ZNF678: variants seen among roughly 807,000 people sequenced by gnomAD.
ZNF678 encodes hypothetical protein MGC42493.
A neutral mutation model predicts 3.0 loss-of-function variants in ZNF678; 5 were observed. The ratio of observed to expected loss-of-function variants is 1.69; its 90% CI spans 0.88 to 3.56. ZNF678 has a LOEUF of 3.56. Among genes scored for constraint, ZNF678 ranks in the 30% most tolerant of loss-of-function variants. The pLI, the probability that ZNF678 is intolerant of heterozygous loss-of-function variation, is 0.00. For synonymous variants in ZNF678, 218 were observed against 199.6 expected (o/e 1.09, Z -0.78); for missense variants, 593 against 605.0 (o/e 0.98, Z 0.21).
intron 1 of ZNF678, among the ~76,000 whole-genome samples, chr1:227,631,019 T>C (rs951588286): frequency 1.3e-5 from 2 of 152,042 alleles, no homozygotes; most frequent in Non-Finnish European, 2.9e-5. Flanking sequence ...GAAGAGGATA[T>C]TGTGGTCAGG....
At chr1:227,625,917 T>C (rs1658401324) in intron 1 of ZNF678, among the ~76,000 whole-genome samples, 1 of 152,298 alleles carries the variant, frequency 6.6e-6, no homozygotes, top group Middle Eastern at 3.4e-3. Flanking sequence ...AATGAGTATT[T>C]GCATGCATGC....
chr1:227,617,692 C>G (rs1368490319), intron 1 of ZNF678, among the ~76,000 whole-genome samples: 2 of 152,100 alleles, frequency 1.3e-5, no homozygotes, highest in Non-Finnish European at 2.9e-5. Flanking sequence ...TGTGGTTTGC[C>G]TGGATGGTCA....
downstream of ZNF678, among the ~76,000 whole-genome samples, chr1:227,665,331 A>G (rs1020685128): frequency 6.6e-6 from 1 of 152,190 alleles, no homozygotes; most frequent in Admixed American, 6.5e-5. Context: ...TTTCCATTAT[A>G]TGTAAAATCA....
chr1:227,566,825 T>A (rs1211866168), intron 1 of ZNF678, among the ~76,000 whole-genome samples: 1 of 152,212 alleles, frequency 6.6e-6, no homozygotes, highest in East Asian at 1.9e-4. Context: ...TTTTTCTTCA[T>A]CAGAGTGAGT....
At chr1:227,649,490 A>G (rs1659041046) in intron 2 of ZNF678, among the ~76,000 whole-genome samples, 1 of 152,190 alleles carries the variant, frequency 6.6e-6, no homozygotes, top group Non-Finnish European at 1.5e-5. Context: ...AGCCAAGATT[A>G]CAGGCATGCA....
intron 1 of ZNF678, among the ~76,000 whole-genome samples, chr1:227,588,004 G>A (rs1470763506): frequency 6.6e-6 from 1 of 151,768 alleles, no homozygotes; most frequent in Non-Finnish European, 1.5e-5. Context: ...CCCAACAGGT[G>A]CCCAGTGTGT....
chr1:227,678,497 C>T (rs1659719589), downstream of ZNF678, among the ~76,000 whole-genome samples: 2 of 152,192 alleles, frequency 1.3e-5, no homozygotes, highest in Admixed American at 1.3e-4. Flanking sequence ...TGTGGGAGAA[C>T]TCTCAACTTC....
chr1:227,569,837 A>G (rs1656789108), intron 1 of ZNF678, among the ~76,000 whole-genome samples: 1 of 152,190 alleles, frequency 6.6e-6, no homozygotes, highest in African/African-American at 2.4e-5. Context: ...TAGAACCATT[A>G]GAATGGTCAT....
Position 227,655,459 on chromosome 1 carries a change from A to G in ZNF678, c.1209A>G (p.Lys403=). ...ATAGGAGAATTCATACTGGAGTGAA[A>G]CCCTACAAATGTGAAGAATGTGGGA... ...TQHRRIHTGV[K]PYKCEECGKV... The change falls in exon 4 of 4, where the codon AAA becomes AAG. Residue 403 remains lysine, a synonymous_variant. Coordinates refer to ENST00000343776, the MANE Select transcript of ZNF678 (RefSeq NM_001367909.1). 1 of 1,612,612 alleles carries G rather than the reference A, an allele frequency of 6.2e-7. No homozygotes were observed. The highest frequency in any genetic ancestry group is 8.5e-7 in the Non-Finnish European group (1 of 1,179,248).
At chr1:227,676,629 G>A (rs1346988733) in intron 5 of ZNF678, among the ~76,000 whole-genome samples, 1 of 151,582 alleles carries the variant, frequency 6.6e-6, no homozygotes, top group Non-Finnish European at 1.5e-5. Flanking sequence ...CCAGTAACTC[G>A]TCATTTAACA....
chr1:227,648,876 C>T (rs137894701), intron 2 of ZNF678, among the ~76,000 whole-genome samples: 1 of 152,110 alleles, frequency 6.6e-6, no homozygotes, highest in East Asian at 1.9e-4. Flanking sequence ...AATTTATTAA[C>T]TTCTAGGTCC....
chr1:227,599,957 C>A (rs923277222), intron 1 of ZNF678, among the ~76,000 whole-genome samples: 2 of 152,298 alleles, frequency 1.3e-5, no homozygotes, highest in East Asian at 1.9e-4. Context: ...TTCTGATTCT[C>A]TCCATCCTTT....
chr1:227,583,955 C>T (rs1195636649), intron 1 of ZNF678, among the ~76,000 whole-genome samples: 1 of 152,210 alleles, frequency 6.6e-6, no homozygotes, highest in Non-Finnish European at 1.5e-5. Flanking sequence ...TTCACTTCCA[C>T]TTATATGGTT....
At chr1:227,632,974 A>G (rs1163564925) in intron 1 of ZNF678, among the ~76,000 whole-genome samples, 1 of 152,144 alleles carries the variant, frequency 6.6e-6, no homozygotes, top group Non-Finnish European at 1.5e-5. Flanking sequence ...GGGTCACAGA[A>G]GAGAACCGTG....
rs921148607 is a variant in ZNF678 at position 227,662,100 on chromosome 1, A to C, written c.*6272A>C. 3 of 152,170 alleles carry C rather than the reference A, an allele frequency of 2.0e-5. No individual in the cohort carries two copies. The allele number at this position is 152,170 out of a possible 1,614,324, so 9.4% of individuals were successfully genotyped here. A position where few individuals can be genotyped will look rare whatever the true frequency, so the allele number is the denominator to read the frequency against. On this transcript the variant is annotated 3_prime_UTR_variant, in exon 4 of 4. Transcript: ENST00000343776. The stretch of plus-strand genomic sequence containing the variant: ...GCTTCCGAAGTAAAATTGGATGTGG[A>C]GGTTGGGGATTGATTCAAACATTAA...
chr1:227,656,405 TAA>T lies in ZNF678; in HGVS notation c.*580_*581del, dbSNP rs753762262. The T allele has an allele frequency of 1.3e-5, 2 of 152,014 alleles. No homozygotes were observed. Among genetic ancestry groups the T allele is most frequent in the Admixed American group, 6.6e-5 (1 of 15,238 alleles). 9.4% of individuals were successfully genotyped at this position (152,014 alleles called of 1,614,324 possible). ...ACATTCATGTTATACTTTTTTGCAT[TAA>T]AAGTTTTTATATTTTTGATTATATA... On this transcript the variant is annotated 3_prime_UTR_variant, in exon 4 of 4. Transcript: ENST00000343776.
chr1:227,604,069 C>T (rs985901740), intron 1 of ZNF678, among the ~76,000 whole-genome samples: 1 of 152,102 alleles, frequency 6.6e-6, no homozygotes, highest in South Asian at 2.1e-4. Context: ...ACTGTTTTTC[C>T]TTATATTAAC....
At chr1:227,568,097 T>G (rs935670850) in intron 1 of ZNF678, among the ~76,000 whole-genome samples, 2 of 152,154 alleles carry the variant, frequency 1.3e-5, no homozygotes, top group Non-Finnish European at 2.9e-5. Flanking sequence ...AGGCTGAGTG[T>G]GTGTCAAAGT....
chr1:227,614,253 T>C (rs1658090177), intron 1 of ZNF678, among the ~76,000 whole-genome samples: 1 of 152,270 alleles, frequency 6.6e-6, no homozygotes, highest in African/African-American at 2.4e-5. Context: ...CTTTTTATTT[T>C]GATTTTATCC....
Sources: gnomAD v4.1 joint callset for allele counts (sites outside exome capture counted in the v4.1 genomes callset) on GRCh38, gnomAD v4.1.1 for gene constraint, MANE v1.5 for transcripts, NCBI Gene and HGNC (gene_info 2026-07-23, HGNC 2026-07-21) for gene names.